Variants in MAGI2 observed in about 807,000 individuals in gnomAD.
The protein encoded by MAGI2 is membrane associated guanylate kinase, WW and PDZ domain containing 2.
MAGI2 carries 35 observed loss-of-function variants against 133.3 expected under a neutral mutation model. The ratio of observed to expected loss-of-function variants is 0.26; its 90% CI spans 0.20 to 0.35. MAGI2 has a LOEUF of 0.35. Ranked by LOEUF, MAGI2 falls within the 10% of genes least tolerant of loss-of-function variation. MAGI2 has a pLI of 1.00. For synonymous variants in MAGI2, 729 were observed against 710.6 expected, an observed-to-expected ratio of 1.03 and a Z score of -0.41; for missense variants, 1,636 against 1,863.4, an observed-to-expected ratio of 0.88 and a Z score of 2.25.
chr7:79,146,046 G>A (rs550248816), intron 1 of MAGI2, among the ~76,000 whole-genome samples: 3 of 151,980 alleles, frequency 2.0e-5, no homozygotes, highest in Non-Finnish European at 4.4e-5. Context: ...AGAGAGTGAT[G>A]TAAGAGATTT....
At chr7:78,317,701 C>T (rs1009732950) in intron 9 of MAGI2, among the ~76,000 whole-genome samples, 2 of 152,162 alleles carry the variant, frequency 1.3e-5, no homozygotes, top group Non-Finnish European at 2.9e-5. Flanking sequence ...TGGGAGACAC[C>T]TCTCAGGAGG....
intron 3 of MAGI2, among the ~76,000 whole-genome samples, chr7:78,626,695 G>C (rs530603317): frequency 6.6e-6 from 1 of 152,056 alleles, no homozygotes; most frequent in South Asian, 2.1e-4. Flanking sequence ...AGTAATTTGA[G>C]AAAGCCACAC....
chr7:78,058,575 G>A (rs189338864), intron 21 of MAGI2, among the ~76,000 whole-genome samples: 34 of 151,600 alleles, frequency 2.2e-4, no homozygotes, highest in Admixed American at 1.2e-3. Flanking sequence ...GGGTTCAAGC[G>A]ATTCTCTTGC....
intron 2 of MAGI2, among the ~76,000 whole-genome samples, chr7:78,959,265 T>A (rs1325277114): frequency 6.6e-6 from 1 of 152,146 alleles, no homozygotes; most frequent in Non-Finnish European, 1.5e-5. Context: ...AACATTACTT[T>A]TGGTTATAGA....
At chr7:78,323,313 A>C (rs11971642) in intron 9 of MAGI2, among the ~76,000 whole-genome samples, 36,328 of 152,128 alleles carry the variant, frequency 0.24, 5,811 homozygotes, top group African/African-American at 0.44. Context: ...TTCCTTCAGC[A>C]TCTCAGCAAT....
Position 78,530,856 on chromosome 7 carries a change from T to C in MAGI2, c.539-9211A>G, listed in dbSNP as rs573507822. On this transcript the variant is annotated intron_variant, in intron 3 of 21. Coordinates refer to ENST00000354212, the MANE Select transcript of MAGI2 (RefSeq NM_012301.4). ...ATGTCAAGGATTAAAATAGGCTTCA[T>C]AGGCTCCATATGATGCTTGCATTTT... Among the ~76,000 whole-genome samples, 317 of 152,176 alleles carry C rather than the reference T, an allele frequency of 2.1e-3. 2 individuals are homozygous for C. The highest frequency in any genetic ancestry group is 3.2e-3 in the Non-Finnish European group (215 of 68,032).
At chr7:78,824,112 T>C (rs1362175235) in intron 2 of MAGI2, among the ~76,000 whole-genome samples, 2 of 152,212 alleles carry the variant, frequency 1.3e-5, no homozygotes, top group Non-Finnish European at 2.9e-5. Context: ...TGAAAACAAA[T>C]GTAAAGTGCC....
At chr7:78,433,063 C>T (rs771605166) in intron 6 of MAGI2, among the ~76,000 whole-genome samples, 4 of 151,940 alleles carry the variant, frequency 2.6e-5, no homozygotes, top group East Asian at 1.9e-4. Context: ...ATAAACAGCA[C>T]GAAAGTCCAA....
intron 1 of MAGI2, among the ~76,000 whole-genome samples, chr7:79,141,722 A>C (rs188995021): frequency 6.6e-6 from 1 of 151,968 alleles, no homozygotes; most frequent in African/African-American, 2.4e-5. Flanking sequence ...ACCATCACAA[A>C]GTTGAATTCT....
At chr7:78,046,420 AAC>A in intron 21 of MAGI2, among the ~76,000 whole-genome samples, 1 of 151,824 alleles carries the variant, frequency 6.6e-6, no homozygotes, top group African/African-American at 2.4e-5. Context: ...ACAAAAAAAA[AAC>A]AAAGGAATGT....
intron 2 of MAGI2, among the ~76,000 whole-genome samples, chr7:78,803,021 G>C (rs1183660704): frequency 6.7e-6 from 1 of 148,330 alleles, no homozygotes; most frequent in Non-Finnish European, 1.5e-5. Context: ...TTTTGGTTTT[G>C]ACTTTTAATA....
At chr7:79,137,055 C>T (rs1209610577) in intron 1 of MAGI2, among the ~76,000 whole-genome samples, 1 of 151,880 alleles carries the variant, frequency 6.6e-6, no homozygotes, top group Non-Finnish European at 1.5e-5. Context: ...GATCTTGGCT[C>T]ACTGTAACCT....
chr7:78,717,399 T>C (rs538011565), intron 2 of MAGI2, among the ~76,000 whole-genome samples: 12 of 152,288 alleles, frequency 7.9e-5, no homozygotes, highest in African/African-American at 2.9e-4. Flanking sequence ...ATCAATGAAC[T>C]GTGTACACTT....
chr7:79,270,381 C>T (rs1834791075), intron 1 of MAGI2, among the ~76,000 whole-genome samples: 4 of 92,928 alleles, frequency 4.3e-5, no homozygotes, highest in African/African-American at 8.6e-5. Flanking sequence ...TGGGTGATTA[C>T]ATATTCACCT....
chr7:78,584,974 A>G (rs925039643), intron 3 of MAGI2, among the ~76,000 whole-genome samples: 59 of 152,196 alleles, frequency 3.9e-4, no homozygotes, highest in African/African-American at 1.3e-3. Flanking sequence ...GGTGAGGCCT[A>G]ATCTGTGCCT....
chr7:78,639,163 C>T (rs933857574), intron 2 of MAGI2, among the ~76,000 whole-genome samples: 2 of 152,212 alleles, frequency 1.3e-5, no homozygotes, highest in African/African-American at 4.8e-5. Context: ...TTTAGTATCA[C>T]CATTATGTCC....
intron 2 of MAGI2, among the ~76,000 whole-genome samples, chr7:78,810,435 C>A (rs1034553877): frequency 6.6e-6 from 1 of 152,046 alleles, no homozygotes; most frequent in African/African-American, 2.4e-5. Context: ...AAGACTTGCT[C>A]AGTTATTATC....
intron 1 of MAGI2, among the ~76,000 whole-genome samples, chr7:79,272,696 T>C (rs1040139349): frequency 1.7e-5 from 2 of 116,568 alleles, no homozygotes; most frequent in African/African-American, 6.5e-5. Context: ...GTTATGAATA[T>C]TTTTTAGGAT....
At chr7:78,070,106 TACACACACACAC>T (rs67410981) in intron 21 of MAGI2, among the ~76,000 whole-genome samples, 41 of 79,664 alleles carry the variant, frequency 5.1e-4, no homozygotes, top group Non-Finnish European at 1.0e-3. Flanking sequence ...CACACACACA[TACACACACACAC>T]ACACACACAT....
Sources: allele counts gnomAD v4.1 joint callset (sites outside exome capture counted in the v4.1 genomes callset), GRCh38; gene constraint gnomAD v4.1.1; transcripts MANE v1.5; gene names NCBI Gene and HGNC (gene_info 2026-07-23, HGNC 2026-07-21).